PRKG1: variants seen among roughly 807,000 people sequenced by gnomAD.
PRKG1 encodes the protein cGMP-dependent protein kinase 1.
A neutral mutation model predicts 88.1 loss-of-function variants in PRKG1; 35 were observed. The observed-to-expected ratio is 0.40, with a 90% CI of 0.30 to 0.53. The LOEUF (loss-of-function observed/expected upper bound fraction) is 0.53. PRKG1 is among the 20% of genes least tolerant of loss of function. The pLI, the probability that PRKG1 is intolerant of heterozygous loss-of-function variation, is 0.59. For synonymous variants in PRKG1, 303 were observed against 292.5 expected, an observed-to-expected ratio of 1.04 and a Z score of -0.37; for missense variants, 540 against 839.8, an observed-to-expected ratio of 0.64 and a Z score of 4.41.
intron 2 of PRKG1, among the ~76,000 whole-genome samples, chr10:51,449,079 C>A (rs1172034095): frequency 6.6e-6 from 1 of 151,802 alleles, no homozygotes; most frequent in African/African-American, 2.4e-5. Context: ...ATATAAATAG[C>A]CATGATGCAT....
chr10:51,217,701 C>T (rs111687843), intron 2 of PRKG1, among the ~76,000 whole-genome samples: 1 of 152,036 alleles, frequency 6.6e-6, no homozygotes, highest in South Asian at 2.1e-4. Flanking sequence ...ACACAGATGG[C>T]CTTTATAAAC....
intron 2 of PRKG1, among the ~76,000 whole-genome samples, chr10:51,443,190 C>G (rs1004644401): frequency 1.4e-5 from 2 of 143,902 alleles, no homozygotes; most frequent in Non-Finnish European, 2.9e-5. Context: ...TGGCAAAGTA[C>G]AGTCTGCAGG....
At position 52,295,647 on chromosome 10, in the gene PRKG1, T is replaced by TC. The variant is rs1842365628; in HGVS notation, c.*1748dup. ...ATTAAATTGACGCTTGCTTTTTTTTTCAGTAGAGTTTTCTTTTTAATCAAT... is the reference window on the plus strand; with the variant it reads ...ATTAAATTGACGCTTGCTTTTTTTTTCCAGTAGAGTTTTCTTTTTAATCAAT... On this transcript the variant is annotated 3_prime_UTR_variant, in exon 18 of 18. Transcript: ENST00000373980. The TC allele has an allele frequency of 6.6e-6, 1 of 152,014 alleles. No individual in the cohort carries two copies. The highest frequency in any genetic ancestry group is 2.4e-5 in the African/African-American group (1 of 41,456). 9.4% of individuals were successfully genotyped at this position (152,014 alleles called of 1,614,324 possible).
intron 9 of PRKG1, among the ~76,000 whole-genome samples, chr10:52,233,585 C>T (rs1840586144): frequency 6.8e-6 from 1 of 147,496 alleles, no homozygotes; most frequent in Admixed American, 6.8e-5. Context: ...CACTCCCACC[C>T]GAATATTGCG....
intron 2 of PRKG1, among the ~76,000 whole-genome samples, chr10:51,412,201 GAGAGAGAGAGAGAAAGAA>G (rs1316866856): frequency 1.4e-4 from 16 of 114,300 alleles, no homozygotes; most frequent in African/African-American, 2.4e-4. Context: ...GAGAGAGAGA[GAGAGAGAGAGAGAAAGAA>G]AGAGAGAAAG....
chr10:51,127,457 A>C (rs1157210013), intron 1 of PRKG1, among the ~76,000 whole-genome samples: 1 of 152,218 alleles, frequency 6.6e-6, no homozygotes. Flanking sequence ...GTCAAGAAAC[A>C]ATAGATGCTG....
chr10:51,814,776 TA>T (rs1469392255), intron 4 of PRKG1, among the ~76,000 whole-genome samples: 1 of 152,070 alleles, frequency 6.6e-6, no homozygotes, highest in Non-Finnish European at 1.5e-5. Context: ...CATTTTTTAT[TA>T]AAAAAAGAAA....
intron 1 of PRKG1, among the ~76,000 whole-genome samples, chr10:51,121,636 TA>T (rs1389826603): frequency 6.6e-6 from 1 of 152,150 alleles, no homozygotes; most frequent in African/African-American, 2.4e-5. Context: ...TTTAAAATTT[TA>T]AAGATTTTTT....
intron 2 of PRKG1, among the ~76,000 whole-genome samples, chr10:51,455,501 A>G (rs935322797): frequency 5.9e-5 from 9 of 152,124 alleles, no homozygotes; most frequent in South Asian, 2.1e-4. Flanking sequence ...TTAAAACTGA[A>G]TGCTTTTAAC....
Position 51,124,442 on chromosome 10 carries a change from C to T in PRKG1, c.312-28722C>T, listed in dbSNP as rs148660966. 7.2e-4 allele frequency among the ~76,000 whole-genome samples: 109 copies of T among 152,102 alleles called. 1 individual carries two copies. The highest frequency in any genetic ancestry group is 2.6e-3 in the African/African-American group (107 of 41,492). ...CACCTTATAGAAGTGACCTTGATTA[C>T]CTATTTACGTTGAGGAGAATGAGGA... On this transcript the variant is annotated intron_variant, in intron 1 of 17. Transcript: ENST00000373980.
chr10:51,483,313 A>G (rs293318), intron 3 of PRKG1, among the ~76,000 whole-genome samples: 91,473 of 151,918 alleles, frequency 0.6, 28,799 homozygotes, highest in East Asian at 0.85. Context: ...GAGCCACCGC[A>G]CCCAGCCCCC....
chr10:52,282,308 G>T lies in PRKG1; in HGVS notation c.1701G>T (p.Leu567=). ...WSLGILMYEL[L]TGSPPFSGPD... is the part of the protein sequence containing the mutation. ...TGGGAATCCTAATGTATGAACTCCT[G>T]ACTGGCAGGTATGGATATTGATAGG... is the stretch of plus-strand genomic sequence containing the variant. Residue 567 remains leucine (L), a synonymous_variant, in exon 14 of 18, where the codon CTG becomes CTT. Transcript: ENST00000373980. 6.3e-7 allele frequency: 1 copy of T among 1,597,310 alleles called. No individual in the cohort carries two copies.
At chr10:51,477,062 T>A (rs1169818987) in intron 3 of PRKG1, among the ~76,000 whole-genome samples, 1 of 151,874 alleles carries the variant, frequency 6.6e-6, no homozygotes, top group Non-Finnish European at 1.5e-5. Context: ...ACTATATCTC[T>A]CTCCTTGACA....
intron 8 of PRKG1, among the ~76,000 whole-genome samples, chr10:52,159,319 C>CATAGAACATTCATATTTTAAATCAAGG (rs1564494905): frequency 6.6e-6 from 1 of 151,502 alleles, no homozygotes; most frequent in Non-Finnish European, 1.5e-5. Flanking sequence ...ATTAGGACAA[C>CATAGAACATTCATATTTTAAATCAAGG]ATAGAACATT....
intron 5 of PRKG1, among the ~76,000 whole-genome samples, chr10:51,985,590 C>T (rs572442397): frequency 2.0e-4 from 30 of 152,244 alleles, no homozygotes; most frequent in Admixed American, 1.3e-3. Flanking sequence ...ATCATTTCCT[C>T]AGTTTTGTTT....
chr10:52,012,847 A>G (rs1264916391), intron 5 of PRKG1, among the ~76,000 whole-genome samples: 1 of 152,200 alleles, frequency 6.6e-6, no homozygotes, highest in African/African-American at 2.4e-5. Flanking sequence ...TTTTCACAGA[A>G]TACCATGTGT....
At chr10:51,746,549 C>G (rs1837584053) in intron 3 of PRKG1, among the ~76,000 whole-genome samples, 1 of 151,944 alleles carries the variant, frequency 6.6e-6, no homozygotes, top group South Asian at 2.1e-4. Flanking sequence ...TGGTGAAACC[C>G]TGTCTCTACT....
chr10:52,019,886 G>C (rs1199427411), intron 5 of PRKG1, among the ~76,000 whole-genome samples: 1 of 152,014 alleles, frequency 6.6e-6, no homozygotes, highest in Non-Finnish European at 1.5e-5. Flanking sequence ...CTTAGGCAGG[G>C]GTTGAGCTTT....
intron 8 of PRKG1, among the ~76,000 whole-genome samples, chr10:52,156,142 A>G (rs551222498): frequency 6.6e-6 from 1 of 151,998 alleles, no homozygotes; most frequent in African/African-American, 2.4e-5. Flanking sequence ...ACAGACAAAC[A>G]TCTAATACTC....
Sources: allele counts gnomAD v4.1 joint callset (sites outside exome capture counted in the v4.1 genomes callset), GRCh38; gene constraint gnomAD v4.1.1; transcripts MANE v1.5; gene names NCBI Gene and HGNC (gene_info 2026-07-23, HGNC 2026-07-21).